SLC44A5: variants seen among roughly 807,000 people sequenced by gnomAD.
The protein encoded by SLC44A5 is choline transporter-like protein 5.
Under a neutral mutation model 101.8 loss-of-function variants are expected in SLC44A5, and 57 were observed. That is an observed-to-expected ratio of 0.56 (90% CI 0.45 to 0.70). SLC44A5 has a LOEUF of 0.70. SLC44A5 is among the 30% of genes least tolerant of loss of function. SLC44A5 has a pLI of 0.00. For missense variants in SLC44A5, 737 were observed against 853.1 expected (o/e 0.86, Z 1.70); for synonymous variants, 281 against 290.9 (o/e 0.97, Z 0.35).
chr1:75,324,616 T>C (rs937248675), intron 4 of SLC44A5, among the ~76,000 whole-genome samples: 1 of 152,158 alleles, frequency 6.6e-6, no homozygotes, highest in Non-Finnish European at 1.5e-5. Flanking sequence ...AAGAAGTGTA[T>C]GTACAAACAC....
At chr1:75,694,956 C>T in the SLC44A5 span, among the ~76,000 whole-genome samples, 1 of 152,218 alleles carries the variant, frequency 6.6e-6, no homozygotes, top group Admixed American at 6.5e-5. Flanking sequence ...AGCAAAACAA[C>T]TATTTTCATT....
chr1:75,214,753 GA>G (rs1466860602), intron 19 of SLC44A5, 75 bp from the exon 20 acceptor site: 1 of 1,170,224 alleles, frequency 8.5e-7, no homozygotes, highest in Non-Finnish European at 1.2e-6. Context: ...CCAATGACAG[GA>G]AGGTAACCAA....
intron 2 of SLC44A5, among the ~76,000 whole-genome samples, chr1:75,434,318 G>T (rs1041828515): frequency 3.9e-5 from 6 of 151,970 alleles, no homozygotes; most frequent in Non-Finnish European, 2.9e-5. Context: ...CCTTGCTATT[G>T]TCCTAGCTTA....
intron 2 of SLC44A5, chr1:75,398,391 A>G (rs1662262967): frequency 5.1e-6 from 5 of 985,314 alleles, no homozygotes; most frequent in South Asian, 4.7e-5. Flanking sequence ...AGTGCCGGGT[A>G]TAGCAGGAAG....
the SLC44A5 span, among the ~76,000 whole-genome samples, chr1:75,672,055 A>C: frequency 0.26 from 39,152 of 151,926 alleles, 5,360 homozygotes; most frequent in Middle Eastern, 0.37. Context: ...CTATCCACCC[A>C]AAAAAGCACC....
At chr1:75,626,266 A>G in the SLC44A5 span, among the ~76,000 whole-genome samples, 1 of 152,172 alleles carries the variant, frequency 6.6e-6, no homozygotes, top group Admixed American at 6.6e-5. Flanking sequence ...ATTTGAGAGA[A>G]GGAGAACAGG....
chr1:75,654,446 C>G, the SLC44A5 span, among the ~76,000 whole-genome samples: 2 of 152,108 alleles, frequency 1.3e-5, no homozygotes, highest in African/African-American at 4.8e-5. Context: ...TCCAAGCACA[C>G]CATCAAGCAC....
chr1:75,386,909 A>G (rs555033990), intron 3 of SLC44A5, among the ~76,000 whole-genome samples: 2 of 152,254 alleles, frequency 1.3e-5, no homozygotes, highest in East Asian at 1.9e-4. Context: ...AACGCCGCAT[A>G]TCTACAACTA....
intron 3 of SLC44A5, among the ~76,000 whole-genome samples, chr1:75,394,244 G>T (rs192708476): frequency 6.6e-6 from 1 of 152,176 alleles, no homozygotes; most frequent in East Asian, 1.9e-4. Flanking sequence ...AGAGTAAGGT[G>T]AGGAAAAGAA....
At chr1:75,484,906 A>G (rs1668073391) in intron 2 of SLC44A5, among the ~76,000 whole-genome samples, 1 of 152,330 alleles carries the variant, frequency 6.6e-6, no homozygotes, top group Middle Eastern at 3.4e-3. Context: ...TTTAGCCACA[A>G]CTGGAGCTGG....
intron 23 of SLC44A5, 23 bp from the exon 24 acceptor site, chr1:75,203,856 G>A (rs1385245342): frequency 6.5e-7 from 1 of 1,535,442 alleles, no homozygotes; most frequent in African/African-American, 1.4e-5. Flanking sequence ...ATGGTACAGA[G>A]TAAATATCAA....
intron 3 of SLC44A5, among the ~76,000 whole-genome samples, chr1:75,395,628 C>A (rs977319921): frequency 2.6e-5 from 4 of 152,058 alleles, no homozygotes; most frequent in African/African-American, 9.7e-5. Flanking sequence ...CAGGAAAGTA[C>A]ATGTATGATC....
chr1:75,664,679 T>C, the SLC44A5 span, among the ~76,000 whole-genome samples: 1 of 152,106 alleles, frequency 6.6e-6, no homozygotes, highest in South Asian at 2.1e-4. Flanking sequence ...CCCAGCACTT[T>C]GGGAGGCCGA....
At chr1:75,259,570 T>A (rs1426564153) in intron 6 of SLC44A5, among the ~76,000 whole-genome samples, 1 of 152,044 alleles carries the variant, frequency 6.6e-6, no homozygotes, top group Non-Finnish European at 1.5e-5. Flanking sequence ...TACCTGAAAG[T>A]GACAGGGAGA....
intron 3 of SLC44A5, among the ~76,000 whole-genome samples, chr1:75,385,163 C>G (rs1159060351): frequency 1.0e-4 from 15 of 149,320 alleles, no homozygotes; most frequent in African/African-American, 3.5e-4. Flanking sequence ...AAAGCAAGAG[C>G]AAACACATTC....
intron 1 of SLC44A5, among the ~76,000 whole-genome samples, chr1:75,579,797 G>C (rs1673578065): frequency 7.6e-6 from 1 of 130,916 alleles, no homozygotes; most frequent in Admixed American, 8.2e-5. Context: ...CAAAGAGAGA[G>C]GATTTGGAGA....
At chr1:75,597,101 T>C (rs572421762) in intron 1 of SLC44A5, among the ~76,000 whole-genome samples, 1 of 150,042 alleles carries the variant, frequency 6.7e-6, no homozygotes, top group African/African-American at 2.5e-5. Context: ...AGTGGGAGGA[T>C]GGCTTGAGCC....
At chr1:75,476,990 T>C (rs921871998) in intron 2 of SLC44A5, among the ~76,000 whole-genome samples, 1 of 152,200 alleles carries the variant, frequency 6.6e-6, no homozygotes, top group Non-Finnish European at 1.5e-5. Flanking sequence ...GCAGCCTAAC[T>C]GGGAGGCACC....
At chr1:75,471,396 C>T (rs1360717677) in intron 2 of SLC44A5, among the ~76,000 whole-genome samples, 3 of 151,816 alleles carry the variant, frequency 2.0e-5, no homozygotes, top group Admixed American at 2.0e-4. Context: ...CACACACACA[C>T]ACACACACAC....
Sources: allele counts gnomAD v4.1 joint callset (sites outside exome capture counted in the v4.1 genomes callset), GRCh38; gene constraint gnomAD v4.1.1; transcripts MANE v1.5; gene names NCBI Gene and HGNC (gene_info 2026-07-23, HGNC 2026-07-21).